Variants in ATP6V1H observed in about 807,000 individuals in gnomAD.
The protein encoded by ATP6V1H is ATPase H+ transporting V1 subunit H, also known as V-type proton ATPase subunit H.
In ATP6V1H, 39 loss-of-function variants were observed where a neutral mutation model predicts 71.7. That is an observed-to-expected ratio of 0.54 (90% confidence interval 0.42 to 0.71). The LOEUF is 0.71. ATP6V1H is among the 30% of genes least tolerant of loss of function. The pLI, the probability that ATP6V1H is intolerant of heterozygous loss-of-function variation, is 0.00. For synonymous variants in ATP6V1H, 192 were observed against 199.3 expected (o/e 0.96, Z 0.31); for missense variants, 509 against 594.9 (o/e 0.86, Z 1.50).
chr8:53,817,383 T>A (rs1478394836), intron 5 of ATP6V1H, 34 bp downstream of exon 5: 9 of 1,488,048 alleles, frequency 6.0e-6, no homozygotes, highest in Non-Finnish European at 8.3e-6. Context: ...TTAAAAAAAT[T>A]TTAAAAAAAG....
At chr8:53,778,660 GAAC>G (rs750756901) in intron 9 of ATP6V1H, among the ~76,000 whole-genome samples, 22 of 152,076 alleles carry the variant, frequency 1.4e-4, no homozygotes, top group Non-Finnish European at 2.8e-4. Context: ...GAAGATAGAA[GAAC>G]AAAAAACAGA....
At chr8:53,720,137 A>G (rs1806565168) in intron 13 of ATP6V1H, among the ~76,000 whole-genome samples, 1 of 152,220 alleles carries the variant, frequency 6.6e-6, no homozygotes, top group Non-Finnish European at 1.5e-5. Flanking sequence ...TGACTTATAC[A>G]AGCAATCTAT....
intron 8 of ATP6V1H, among the ~76,000 whole-genome samples, chr8:53,798,341 T>C (rs926997866): frequency 1.3e-5 from 2 of 151,988 alleles, no homozygotes; most frequent in Non-Finnish European, 2.9e-5. Flanking sequence ...CTGGCCAACA[T>C]GGTGAAACCC....
intron 8 of ATP6V1H, among the ~76,000 whole-genome samples, chr8:53,801,502 T>C (rs938723139): frequency 2.0e-5 from 3 of 152,194 alleles, no homozygotes; most frequent in African/African-American, 7.2e-5. Flanking sequence ...CTTGTTGATT[T>C]TTGCCTACAT....
chr8:53,762,285 A>G (rs1423430810), intron 11 of ATP6V1H, among the ~76,000 whole-genome samples: 3 of 152,144 alleles, frequency 2.0e-5, no homozygotes, highest in Non-Finnish European at 4.4e-5. Flanking sequence ...TCACACACAA[A>G]GGAATAAATT....
chr8:53,774,879 A>G (rs949658802), intron 9 of ATP6V1H, among the ~76,000 whole-genome samples: 81 of 152,350 alleles, frequency 5.3e-4, no homozygotes, highest in African/African-American at 1.9e-3. Flanking sequence ...TGAGAGGAGA[A>G]ATCAGAGAGA....
At chr8:53,749,051 T>C (rs549172479) in intron 12 of ATP6V1H, among the ~76,000 whole-genome samples, 5 of 152,368 alleles carry the variant, frequency 3.3e-5, no homozygotes, top group Non-Finnish European at 7.4e-5. Flanking sequence ...GTGAACACTA[T>C]GTCTAGTCAG....
chr8:53,763,080 T>G (rs1808332483), intron 11 of ATP6V1H, among the ~76,000 whole-genome samples: 1 of 152,254 alleles, frequency 6.6e-6, no homozygotes, highest in African/African-American at 2.4e-5. Context: ...CAACTGTTTC[T>G]TATCAGTGAG....
intron 12 of ATP6V1H, among the ~76,000 whole-genome samples, chr8:53,748,737 T>C (rs951757036): frequency 6.6e-6 from 1 of 152,264 alleles, no homozygotes; most frequent in Non-Finnish European, 1.5e-5. Flanking sequence ...TCTCATACTT[T>C]GTAGTATTAA....
At chr8:53,814,522 T>C in intron 6 of ATP6V1H, 140 bp downstream of exon 6, 1 of 535,352 alleles carries the variant, frequency 1.9e-6, no homozygotes, top group South Asian at 2.9e-5. Flanking sequence ...TATCTGAGAG[T>C]AGTTTGGTTT....
At chr8:53,784,177 A>C (rs1585784161) in intron 9 of ATP6V1H, among the ~76,000 whole-genome samples, 1 of 152,184 alleles carries the variant, frequency 6.6e-6, no homozygotes. Flanking sequence ...TGGGAGTCTA[A>C]GTCTCTTTGT....
rs181671258 is a variant in ATP6V1H at position 53,763,584 on chromosome 8, T to C, written c.1175+6034A>G. 2.1e-3 allele frequency among the ~76,000 whole-genome samples: 318 copies of C among 152,096 alleles called. 3 individuals carry two copies. Among genetic ancestry groups the C allele is most frequent in the African/African-American group, 6.1e-3 (253 of 41,488 alleles). On this transcript the variant is annotated intron_variant, in intron 11 of 13. Transcript: ENST00000359530. ...TAACAAGGTGATTCTAAAATTCATA[T>C]AAAATGTTAAGGGACCCAGATAGCC...
At chr8:53,821,791 A>G (rs1321205132) in intron 4 of ATP6V1H, among the ~76,000 whole-genome samples, 3 of 152,216 alleles carry the variant, frequency 2.0e-5, no homozygotes, top group Non-Finnish European at 4.4e-5. Context: ...CAGATACAAA[A>G]CTACCATAAA....
At chr8:53,742,376 C>G (rs574066313) in intron 13 of ATP6V1H, among the ~76,000 whole-genome samples, 1 of 152,318 alleles carries the variant, frequency 6.6e-6, no homozygotes, top group Non-Finnish European at 1.5e-5. Flanking sequence ...AAGTTCGTTA[C>G]TACTTCACAG....
At chr8:53,830,577 G>T (rs1176284635) in intron 3 of ATP6V1H, among the ~76,000 whole-genome samples, 4 of 151,900 alleles carry the variant, frequency 2.6e-5, no homozygotes, top group Non-Finnish European at 5.9e-5. Context: ...GATATAAGTT[G>T]CCCACGGTAT....
intron 13 of ATP6V1H, among the ~76,000 whole-genome samples, chr8:53,726,658 T>A (rs1232346856): frequency 6.6e-6 from 1 of 152,188 alleles, no homozygotes; most frequent in Non-Finnish European, 1.5e-5. Context: ...GAGAAGTATC[T>A]CTAAACAGGA....
At chr8:53,779,992 G>C (rs1007588490) in intron 9 of ATP6V1H, among the ~76,000 whole-genome samples, 6 of 151,686 alleles carry the variant, frequency 4.0e-5, no homozygotes, top group African/African-American at 1.5e-4. Flanking sequence ...AACCCCACCT[G>C]TACTAAAAAT....
At chr8:53,738,806 A>T (rs72655179) in intron 13 of ATP6V1H, among the ~76,000 whole-genome samples, 347 of 152,338 alleles carry the variant, frequency 2.3e-3, no homozygotes, top group Non-Finnish European at 4.1e-3. Context: ...TGTCCAGAAA[A>T]GTTAATACAG....
chr8:53,760,132 T>C lies in ATP6V1H; in HGVS notation c.1176-3476A>G, dbSNP rs572679953. ...AGCTGGTGCCAGGGAACGACAGTCT[T>C]CCAACAGATAGAAAACACCTGAAGC... is the stretch of plus-strand genomic sequence containing the variant. On this transcript the variant is annotated intron_variant, in intron 11 of 13. Coordinates refer to ENST00000359530, the MANE Select transcript of ATP6V1H (RefSeq NM_015941.4). Among the ~76,000 whole-genome samples the C allele has an allele frequency of 2.2e-3, 338 of 152,296 alleles. 2 individuals carry two copies. Among genetic ancestry groups the C allele is most frequent in the African/African-American group, 7.9e-3 (327 of 41,562 alleles).
Sources: gnomAD v4.1 joint callset for allele counts (sites outside exome capture counted in the v4.1 genomes callset) on GRCh38, gnomAD v4.1.1 for gene constraint, MANE v1.5 for transcripts, NCBI Gene and HGNC (gene_info 2026-07-23, HGNC 2026-07-21) for gene names.